Variants in DDRGK1 observed in about 807,000 individuals in gnomAD.
The protein encoded by DDRGK1 is DDRGK domain-containing protein 1.
In DDRGK1, 38 loss-of-function variants were observed where a neutral mutation model predicts 45.8. The ratio of observed to expected loss-of-function variants is 0.83; its 90% CI spans 0.64 to 1.09. DDRGK1 has a LOEUF of 1.09. Among genes scored for constraint, DDRGK1 ranks in the 50% least tolerant of loss-of-function variants. DDRGK1 has a pLI of 0.00. For missense variants in DDRGK1, 403 were observed against 419.9 expected (o/e 0.96, Z 0.35); for synonymous variants, 171 against 168.7 (o/e 1.01, Z -0.11).
At chr20:3,203,809 C>G (rs1050912218) in intron 1 of DDRGK1, among the ~76,000 whole-genome samples, 1 of 152,210 alleles carries the variant, frequency 6.6e-6, no homozygotes, top group Non-Finnish European at 1.5e-5. Context: ...GGTGGCCGAG[C>G]CTCCCCCGGG....
intron 6 of DDRGK1, among the ~76,000 whole-genome samples, chr20:3,194,386 G>A (rs986354278): frequency 3.3e-5 from 5 of 152,186 alleles, no homozygotes; most frequent in Admixed American, 1.3e-4. Context: ...ACACACTGCC[G>A]CCCCACCCTA....
At chr20:3,203,737 T>G (rs1357360861) in intron 1 of DDRGK1, among the ~76,000 whole-genome samples, 2 of 152,184 alleles carry the variant, frequency 1.3e-5, no homozygotes, top group Admixed American at 6.5e-5. Flanking sequence ...ATCCACTGAT[T>G]TCTCGCCTAA....
intron 5 of DDRGK1, 75 bp downstream of exon 5, chr20:3,195,156 G>A: frequency 6.2e-7 from 1 of 1,607,340 alleles, no homozygotes; most frequent in South Asian, 1.1e-5. Flanking sequence ...TCTGGGATGG[G>A]GTGGCTAGCC....
intron 4 of DDRGK1, among the ~76,000 whole-genome samples, chr20:3,197,834 G>C (rs970098425): frequency 3.3e-5 from 5 of 150,880 alleles, no homozygotes; most frequent in Admixed American, 2.7e-4. Context: ...GGAGGCTGAA[G>C]CAGGAGAATC....
intron 4 of DDRGK1, among the ~76,000 whole-genome samples, chr20:3,197,456 G>C (rs2067016214): frequency 1.3e-5 from 2 of 152,150 alleles, no homozygotes; most frequent in African/African-American, 4.8e-5. Context: ...AGGCGACCAA[G>C]GTTAACAACA....
intron 6 of DDRGK1, among the ~76,000 whole-genome samples, chr20:3,194,196 G>A (rs570513765): frequency 6.6e-6 from 1 of 152,014 alleles, no homozygotes; most frequent in Admixed American, 6.6e-5. Context: ...CACCGCCCCC[G>A]CTCCCTCTGC....
intron 4 of DDRGK1, among the ~76,000 whole-genome samples, chr20:3,198,866 G>T (rs1338996665): frequency 2.0e-5 from 3 of 148,690 alleles, no homozygotes; most frequent in African/African-American, 7.5e-5. Flanking sequence ...ATGGGGTCAG[G>T]TGTGGTGGCT....
chr20:3,197,198 G>A (rs965609237), intron 4 of DDRGK1, among the ~76,000 whole-genome samples: 1 of 138,088 alleles, frequency 7.2e-6, no homozygotes, highest in African/African-American at 2.7e-5. Flanking sequence ...ACTCCAGCCT[G>A]GATGACAGAG....
rs2067058532 is a variant in DDRGK1, at chr20:3,204,657, T to C, written c.-30A>G. On this transcript the variant is annotated 5_prime_UTR_variant, in exon 1 of 9. Coordinates refer to ENST00000354488, the MANE Select transcript of DDRGK1 (RefSeq NM_023935.3). ...AGGGCCTCAGTGCAGAACCACTGCG[T>C]CCACCCTGAGGCCGGGATCTCATAG... 6.4e-7 allele frequency: 1 copy of C among 1,554,276 alleles called. No individual in the cohort carries two copies.
chr20:3,192,719 A>G (rs2066994649), intron 6 of DDRGK1, among the ~76,000 whole-genome samples: 1 of 152,176 alleles, frequency 6.6e-6, no homozygotes, highest in African/African-American at 2.4e-5. Context: ...ACCTGCCCCC[A>G]CTACCCCAAC....
intron 2 of DDRGK1, 147 bp from the exon 3 acceptor site, chr20:3,200,601 C>A: frequency 1.5e-6 from 1 of 683,196 alleles, no homozygotes; most frequent in Non-Finnish European, 2.5e-6. Context: ...CCTCCAGAGG[C>A]ATCTGCCATG....
chr20:3,192,401 G>A (rs1474893131), intron 6 of DDRGK1, among the ~76,000 whole-genome samples: 1 of 152,226 alleles, frequency 6.6e-6, no homozygotes, highest in Non-Finnish European at 1.5e-5. Flanking sequence ...ATGGACAAGA[G>A]GGAGAGCAGA....
chr20:3,197,711 C>T (rs1328431507), intron 4 of DDRGK1, among the ~76,000 whole-genome samples: 1 of 151,818 alleles, frequency 6.6e-6, no homozygotes, highest in Non-Finnish European at 1.5e-5. Context: ...GGGTGGATCA[C>T]CTGAAGTCAA....
intron 8 of DDRGK1, 150 bp downstream of exon 8, chr20:3,191,040 G>T: frequency 8.4e-7 from 1 of 1,195,652 alleles, no homozygotes; most frequent in Non-Finnish European, 1.2e-6. Flanking sequence ...TGTCCTCCTT[G>T]TAACTGCATC....
At position 3,191,839 on chromosome 20, in the gene DDRGK1, A is replaced by G; in HGVS notation, c.673-18T>C. 6.2e-7 allele frequency: 1 copy of G among 1,602,168 alleles called. No homozygotes were observed. The highest frequency in any genetic ancestry group is 8.5e-7 in the Non-Finnish European group (1 of 1,174,404). ...TTGGACTGCTACAAAAAGAAGGAGG[A>G]AAAGAAAGAGAGGCTGAGCTTGGGC... On this transcript the variant is annotated intron_variant, in intron 6 of 8. Transcript: ENST00000354488.
intron 4 of DDRGK1, among the ~76,000 whole-genome samples, chr20:3,198,722 A>AC (rs2067023138): frequency 6.9e-6 from 1 of 144,906 alleles, no homozygotes; most frequent in African/African-American, 2.6e-5. Context: ...AAAAAAAACA[A>AC]AACAGAAATT....
Position 3,190,833 on chromosome 20 carries a change from C to T in DDRGK1, c.779-14G>A. The T allele has an allele frequency of 6.2e-7, 1 of 1,605,250 alleles. No individual in the cohort carries two copies. The highest frequency in any genetic ancestry group is 8.5e-7 in the Non-Finnish European group (1 of 1,175,294). ...CGTCAATCACACCTGTGGGGACATG[C>T]AGGTTGTGGGGCTGAGGCCTCCTGG... is the stretch of plus-strand genomic sequence containing the variant. On this transcript the variant is annotated splice_polypyrimidine_tract_variant and intron_variant, in intron 8 of 8. Transcript: ENST00000354488.
rs1212839416 is a variant in DDRGK1 at position 3,190,535 on chromosome 20, G to C, written c.*118C>G. 19 of 1,297,506 alleles carry C rather than the reference G, an allele frequency of 1.5e-5. No homozygotes were observed. The highest frequency in any genetic ancestry group is 2.0e-5 in the Non-Finnish European group (19 of 933,740). The allele number at this position is 1,297,506 out of a possible 1,614,324, so 80.4% of individuals were successfully genotyped here. ...CACACCAAGCTCAGCAGTACTCACAGGCCTTTAATCTATAACTGCCTGGCC... is the reference window on the plus strand; with the variant it reads ...CACACCAAGCTCAGCAGTACTCACACGCCTTTAATCTATAACTGCCTGGCC... On this transcript the variant is annotated 3_prime_UTR_variant, in exon 9 of 9. Coordinates refer to ENST00000354488, the MANE Select transcript of DDRGK1 (RefSeq NM_023935.3).
intron 3 of DDRGK1, 103 bp from the exon 4 acceptor site, chr20:3,200,205 C>A (rs2067029881): frequency 2.0e-6 from 3 of 1,486,642 alleles, no homozygotes; most frequent in South Asian, 2.6e-5. Context: ...GGGCACAGAC[C>A]CAGGCGGCAG....
Sources: gnomAD v4.1 joint callset for allele counts (sites outside exome capture counted in the v4.1 genomes callset) on GRCh38, gnomAD v4.1.1 for gene constraint, MANE v1.5 for transcripts, NCBI Gene and HGNC (gene_info 2026-07-23, HGNC 2026-07-21) for gene names.